ATP8A2: variants seen among roughly 807,000 people sequenced by gnomAD.
ATP8A2 encodes phospholipid-transporting ATPase IB.
ATP8A2 carries 100 observed loss-of-function variants against 165.6 expected under a neutral mutation model. The ratio of observed to expected loss-of-function variants is 0.60; its 90% CI spans 0.51 to 0.71. The LOEUF is 0.71. Ranked by LOEUF, ATP8A2 falls within the 30% of genes least tolerant of loss-of-function variation. ATP8A2 has a pLI of 0.00. For missense variants in ATP8A2, 1,227 were observed against 1,479.5 expected, an observed-to-expected ratio of 0.83 and a Z score of 2.80; for synonymous variants, 543 against 548.8, an observed-to-expected ratio of 0.99 and a Z score of 0.15.
At chr13:25,794,820 TACAC>T (rs3053488) in intron 27 of ATP8A2, among the ~76,000 whole-genome samples, 4,097 of 139,582 alleles carry the variant, frequency 0.029, 115 homozygotes, top group African/African-American at 0.074. Context: ...TTCCCTCTCC[TACAC>T]ACACACACAC....
At chr13:25,402,626 C>G (rs2033672974) in intron 1 of ATP8A2, among the ~76,000 whole-genome samples, 1 of 152,134 alleles carries the variant, frequency 6.6e-6, no homozygotes, top group African/African-American at 2.4e-5. Flanking sequence ...GAAAAAGCCC[C>G]TCATGGAAAT....
At position 25,571,604 on chromosome 13, in the gene ATP8A2, T is replaced by A. The variant is rs1282628785; in HGVS notation, c.1580-6T>A. ...TGTCAATGTTTCACCAACTCCCACT[T>A]GACAGATGAAGCTGCTTTGGTGAAA... On this transcript the variant is annotated splice_polypyrimidine_tract_variant and splice_region_variant and intron_variant, in intron 17 of 36. Transcript: ENST00000381655. The A allele has an allele frequency of 6.2e-7, 1 of 1,611,510 alleles. No individual in the cohort carries two copies.
chr13:25,979,548 G>A (rs1018943727), intron 35 of ATP8A2, among the ~76,000 whole-genome samples: 5 of 152,232 alleles, frequency 3.3e-5, no homozygotes, highest in African/African-American at 7.2e-5. Context: ...CCCCTTAGGT[G>A]GTGGTAATTG....
chr13:25,591,507 T>G, intron 24 of ATP8A2: 1 of 381,976 alleles, frequency 2.6e-6, no homozygotes, highest in East Asian at 7.3e-5. Flanking sequence ...TTAAGGCTGA[T>G]TAATATTCCA....
chr13:25,634,187 G>T (rs2041315377), intron 24 of ATP8A2, among the ~76,000 whole-genome samples: 8 of 152,068 alleles, frequency 5.3e-5, no homozygotes, highest in Admixed American at 4.6e-4. Context: ...TCTACTTCCG[G>T]TTAACAGCTG....
intron 2 of ATP8A2, among the ~76,000 whole-genome samples, chr13:25,514,139 A>C (rs1346057402): frequency 6.6e-6 from 1 of 152,032 alleles, no homozygotes; most frequent in Admixed American, 6.5e-5. Flanking sequence ...TTTATTTTTC[A>C]CTTCCTTTTT....
At chr13:25,768,646 A>G (rs1341178618) in intron 25 of ATP8A2, among the ~76,000 whole-genome samples, 1 of 152,168 alleles carries the variant, frequency 6.6e-6, no homozygotes, top group African/African-American at 2.4e-5. Flanking sequence ...TAGGTTGTAT[A>G]TGATGTACCA....
intron 25 of ATP8A2, among the ~76,000 whole-genome samples, chr13:25,743,466 G>A (rs377249002): frequency 1.3e-5 from 2 of 152,216 alleles, no homozygotes; most frequent in Non-Finnish European, 2.9e-5. Flanking sequence ...GAGAATTCCA[G>A]CAGAATTCTA....
chr13:25,395,164 C>A (rs769315015), intron 1 of ATP8A2, among the ~76,000 whole-genome samples: 3 of 152,074 alleles, frequency 2.0e-5, no homozygotes, highest in African/African-American at 7.2e-5. Context: ...GCAGGGCCCT[C>A]GCTCCTGAAC....
intron 33 of ATP8A2, chr13:25,873,791 A>G (rs918769422): frequency 4.3e-5 from 7 of 161,256 alleles, no homozygotes; most frequent in Admixed American, 1.8e-4. Context: ...GGCGCCCACC[A>G]CCACACCTGG....
intron 33 of ATP8A2, among the ~76,000 whole-genome samples, chr13:25,914,206 G>C (rs905323670): frequency 4.6e-5 from 7 of 152,026 alleles, no homozygotes; most frequent in Non-Finnish European, 1.0e-4. Flanking sequence ...TTTTTCCTTA[G>C]AGTTCAGCCC....
At chr13:25,871,897 C>G (rs1371623641) in intron 33 of ATP8A2, among the ~76,000 whole-genome samples, 1 of 152,142 alleles carries the variant, frequency 6.6e-6, no homozygotes, top group Non-Finnish European at 1.5e-5. Flanking sequence ...AGGATGGAAA[C>G]TGAAAGACAG....
rs568001856 is a variant in ATP8A2, at chr13:25,828,423, T to C, written c.2754+231T>C. ...ATTCCTGAATAACCCCTTGAAATTA[T>C]TAACCCATATATCTTGATAATAGAC... On this transcript the variant is annotated intron_variant, in intron 28 of 36. Coordinates refer to ENST00000381655, the MANE Select transcript of ATP8A2 (RefSeq NM_016529.6). Among the ~76,000 whole-genome samples, 3 of 152,350 alleles carry C rather than the reference T, an allele frequency of 2.0e-5. No homozygotes were observed. The South Asian group carries it at 6.2e-4, about 32-fold the overall frequency.
chr13:25,394,854 G>C (rs2033368045), intron 1 of ATP8A2, among the ~76,000 whole-genome samples: 1 of 152,176 alleles, frequency 6.6e-6, no homozygotes, highest in African/African-American at 2.4e-5. Context: ...TCAGCCCAGA[G>C]CAGTGAGTGG....
intron 24 of ATP8A2, among the ~76,000 whole-genome samples, chr13:25,682,314 T>C (rs2042508495): frequency 6.6e-6 from 1 of 152,048 alleles, no homozygotes; most frequent in South Asian, 2.1e-4. Context: ...CCTTATAGTT[T>C]TGAGAGATGA....
At chr13:25,415,225 C>T (rs1382119966) in intron 1 of ATP8A2, among the ~76,000 whole-genome samples, 1 of 152,208 alleles carries the variant, frequency 6.6e-6, no homozygotes, top group Non-Finnish European at 1.5e-5. Flanking sequence ...GCATATCCTC[C>T]TCCCCATGTA....
intron 25 of ATP8A2, chr13:25,705,331 A>G (rs1415802757): frequency 9.7e-6 from 2 of 206,138 alleles, no homozygotes; most frequent in Non-Finnish European, 2.0e-5. Flanking sequence ...TGATGGCCCC[A>G]TCAGAGTCCC....
intron 1 of ATP8A2, among the ~76,000 whole-genome samples, chr13:25,425,152 A>T (rs1748586): frequency 5.0e-4 from 76 of 152,284 alleles, no homozygotes; most frequent in African/African-American, 1.4e-3. Flanking sequence ...ACACCCTGAA[A>T]TATATACTCT....
Position 25,718,703 on chromosome 13 carries a change from A to AT in ATP8A2, c.2384+19365dup, listed in dbSNP as rs199775884. Among the ~76,000 whole-genome samples the AT allele has an allele frequency of 6.6e-5, 10 of 152,280 alleles. No homozygotes were observed. The South Asian group carries it at 8.3e-4, about 13-fold the overall frequency. On this transcript the variant is annotated intron_variant, in intron 25 of 36. Transcript: ENST00000381655. The stretch of plus-strand genomic sequence containing the variant: ...GTGTGAATCACAGAAAGGAAATTAG[A>AT]TTTTTTTAGCCCCAAATAAGAAAGA...
Sources: gnomAD v4.1 joint callset for allele counts (sites outside exome capture counted in the v4.1 genomes callset) on GRCh38, gnomAD v4.1.1 for gene constraint, MANE v1.5 for transcripts, NCBI Gene and HGNC (gene_info 2026-07-23, HGNC 2026-07-21) for gene names.